PACRG: variants seen among roughly 807,000 people sequenced by gnomAD.
PACRG encodes the protein parkin coregulated gene protein.
A neutral mutation model predicts 29.7 loss-of-function variants in PACRG; 29 were observed. The observed-to-expected ratio is 0.98, with a 90% CI of 0.73 to 1.33. PACRG has a LOEUF of 1.33. Among genes scored for constraint, PACRG ranks in the 40% most tolerant of loss-of-function variants. PACRG has a pLI of 0.00. For synonymous variants in PACRG, 116 were observed against 118.7 expected, an observed-to-expected ratio of 0.98 and a Z score of 0.15; for missense variants, 279 against 316.2, an observed-to-expected ratio of 0.88 and a Z score of 0.89.
rs138369541 is a variant in PACRG, at chr6:163,077,982, A to C, written c.464-11277A>C. On this transcript the variant is annotated intron_variant, in intron 3 of 4. Transcript: ENST00000366888. ...AAGGCACAGCATGTTTAAAGAGAGA[A>C]CCAGCTAGATGCATTTTCAAGCCGA... Among the ~76,000 whole-genome samples the C allele has an allele frequency of 1.7e-3, 257 of 152,232 alleles. 5 individuals carry two copies. The East Asian group carries it at 0.018, about 11-fold the overall frequency.
chr6:162,843,421 G>A (rs1789996819), intron 2 of PACRG, among the ~76,000 whole-genome samples: 1 of 147,062 alleles, frequency 6.8e-6, no homozygotes, highest in Non-Finnish European at 1.5e-5. Context: ...TCTTCACGTA[G>A]TTCTCGAGCC....
At chr6:163,191,594 A>G (rs1233960391) in intron 4 of PACRG, 1 of 455,116 alleles carries the variant, frequency 2.2e-6, no homozygotes, top group East Asian at 7.0e-5. Context: ...GAGCTAAGAT[A>G]CACTCACGAG....
intron 2 of PACRG, among the ~76,000 whole-genome samples, chr6:162,929,118 T>G (rs1345910718): frequency 6.6e-6 from 1 of 152,094 alleles, no homozygotes; most frequent in African/African-American, 2.4e-5. Context: ...TTCCCTTTCT[T>G]CTGGATAAAT....
chr6:162,733,547 G>T (rs1307180256), intron 1 of PACRG, among the ~76,000 whole-genome samples: 3 of 152,078 alleles, frequency 2.0e-5, no homozygotes, highest in Non-Finnish European at 4.4e-5. Flanking sequence ...TAAAACTTGA[G>T]AAGGCCGAAT....
chr6:162,807,239 T>C (rs1234329288), intron 1 of PACRG, among the ~76,000 whole-genome samples: 1 of 152,222 alleles, frequency 6.6e-6, no homozygotes, highest in Non-Finnish European at 1.5e-5. Flanking sequence ...AATAAGCCTG[T>C]TTCACTTTCT....
At chr6:163,043,733 C>A (rs76826577) in intron 2 of PACRG, among the ~76,000 whole-genome samples, 2,318 of 152,120 alleles carry the variant, frequency 0.015, 47 homozygotes, top group African/African-American at 0.053. Flanking sequence ...GAGAATAACA[C>A]GAGGGAATAT....
chr6:162,958,514 A>G (rs1800242759), intron 2 of PACRG, among the ~76,000 whole-genome samples: 1 of 152,136 alleles, frequency 6.6e-6, no homozygotes, highest in Non-Finnish European at 1.5e-5. Flanking sequence ...TATGGTGGTC[A>G]TTTTAGTTGT....
intron 2 of PACRG, chr6:162,957,403 C>G: frequency 1.8e-6 from 1 of 569,402 alleles, no homozygotes; most frequent in Non-Finnish European, 3.2e-6. Context: ...AACTTTAGGT[C>G]TCACAGCACG....
intron 2 of PACRG, among the ~76,000 whole-genome samples, chr6:162,852,090 G>T (rs1435163429): frequency 6.6e-6 from 1 of 151,850 alleles, no homozygotes; most frequent in East Asian, 1.9e-4. Flanking sequence ...TATTACTAAT[G>T]CATAACTTTC....
chr6:162,832,845 A>G lies in PACRG; in HGVS notation c.291+18564A>G, dbSNP rs551483615. ...TTTTTTTCATTTTTTTGCCCAAATAAAGATGATTCCAAATAAACTATTATA... is the reference window on the plus strand; with the variant it reads ...TTTTTTTCATTTTTTTGCCCAAATAGAGATGATTCCAAATAAACTATTATA... On this transcript the variant is annotated intron_variant, in intron 2 of 4. Coordinates refer to ENST00000366888, the MANE Select transcript of PACRG (RefSeq NM_001080379.2). Among the ~76,000 whole-genome samples the G allele has an allele frequency of 9.2e-5, 14 of 152,098 alleles. No individual in the cohort carries two copies. The South Asian group carries it at 2.7e-3, about 29-fold the overall frequency.
At chr6:162,798,365 T>A (rs1785559090) in intron 1 of PACRG, among the ~76,000 whole-genome samples, 1 of 152,110 alleles carries the variant, frequency 6.6e-6, no homozygotes, top group Non-Finnish European at 1.5e-5. Flanking sequence ...CCTCATGAGT[T>A]CTCCCTCACC....
At chr6:162,848,504 G>A (rs1243919325) in intron 2 of PACRG, among the ~76,000 whole-genome samples, 1 of 152,190 alleles carries the variant, frequency 6.6e-6, no homozygotes. Flanking sequence ...CTTAGAATAA[G>A]CACTTTGCCC....
intron 1 of PACRG, among the ~76,000 whole-genome samples, chr6:162,739,386 A>G (rs1013823666): frequency 6.6e-6 from 1 of 151,958 alleles, no homozygotes; most frequent in Non-Finnish European, 1.5e-5. Flanking sequence ...TACTTAACAT[A>G]CTCTAGATAT....
intron 4 of PACRG, among the ~76,000 whole-genome samples, chr6:163,308,801 C>A (rs190082115): frequency 6.6e-6 from 1 of 152,272 alleles, no homozygotes; most frequent in Admixed American, 6.5e-5. Flanking sequence ...TGAGCCAGGC[C>A]GCCAGGGCTC....
At chr6:162,862,154 A>G (rs1265765416) in intron 2 of PACRG, among the ~76,000 whole-genome samples, 6 of 152,138 alleles carry the variant, frequency 3.9e-5, no homozygotes, top group Non-Finnish European at 8.8e-5. Context: ...GGTGACTCAA[A>G]AGTTTGGAAG....
chr6:162,904,352 C>T (rs1374925200), intron 2 of PACRG, among the ~76,000 whole-genome samples: 2 of 152,198 alleles, frequency 1.3e-5, no homozygotes, highest in African/African-American at 4.8e-5. Flanking sequence ...GTGAAACTCA[C>T]ACAGACTCAG....
chr6:162,844,319 G>A lies in PACRG; in HGVS notation c.291+30038G>A, dbSNP rs968433641. On this transcript the variant is annotated intron_variant, in intron 2 of 4. Transcript: ENST00000366888. ...CTCATGGTGCGCCGTTTTTTAAGCC[G>A]GTCCGAAAAGCGCAATATTCGGGTG... 6.6e-5 allele frequency among the ~76,000 whole-genome samples: 10 copies of A among 151,762 alleles called. No individual in the cohort carries two copies. In the East Asian group the frequency reaches 1.2e-3, roughly 18 times the overall value.
At chr6:163,065,749 A>C (rs950268242) in intron 3 of PACRG, among the ~76,000 whole-genome samples, 3 of 152,246 alleles carry the variant, frequency 2.0e-5, no homozygotes, top group African/African-American at 4.8e-5. Flanking sequence ...AGAGGAGATT[A>C]GACTCAAATA....
intron 2 of PACRG, among the ~76,000 whole-genome samples, chr6:162,973,843 C>A (rs964887436): frequency 1.3e-5 from 2 of 151,998 alleles, no homozygotes; most frequent in South Asian, 4.1e-4. Flanking sequence ...CTATGGGGGT[C>A]CTATTATTTA....
Sources: gnomAD v4.1 joint callset for allele counts (sites outside exome capture counted in the v4.1 genomes callset) on GRCh38, gnomAD v4.1.1 for gene constraint, MANE v1.5 for transcripts, NCBI Gene and HGNC (gene_info 2026-07-23, HGNC 2026-07-21) for gene names.